Variants in TNIK observed in about 807,000 individuals in gnomAD.
TNIK encodes the protein TRAF2 and NCK-interacting protein kinase.
A neutral mutation model predicts 191.3 loss-of-function variants in TNIK; 49 were observed. The observed-to-expected ratio is 0.26, with a 90% CI of 0.20 to 0.32. The LOEUF is 0.32. Ranked by LOEUF, TNIK falls within the 10% of genes least tolerant of loss-of-function variation. TNIK has a pLI of 1.00. For missense variants in TNIK, 1,155 were observed against 1,702.3 expected (o/e 0.68, Z 5.66); for synonymous variants, 594 against 600.9 (o/e 0.99, Z 0.17).
chr3:171,424,985 A>AT (rs1169661347), intron 1 of TNIK, among the ~76,000 whole-genome samples: 3 of 137,814 alleles, frequency 2.2e-5, no homozygotes, highest in East Asian at 3.9e-4. Flanking sequence ...AAGCATAATA[A>AT]AAAAAAAAAA....
At chr3:171,369,752 A>C (rs1716240032) in intron 1 of TNIK, 67 bp from the exon 2 acceptor site, 2 of 1,296,228 alleles carry the variant, frequency 1.5e-6, no homozygotes, top group Admixed American at 4.2e-5. Context: ...AATCAAAAGC[A>C]AATACTTATT....
intron 1 of TNIK, among the ~76,000 whole-genome samples, chr3:171,441,375 T>TG (rs1726779446): frequency 2.0e-5 from 3 of 152,240 alleles, no homozygotes; most frequent in Non-Finnish European, 4.4e-5. Flanking sequence ...ATTTGCATTT[T>TG]CTAGACATTT....
chr3:171,386,475 T>A (rs1281165345), intron 1 of TNIK, among the ~76,000 whole-genome samples: 1 of 152,252 alleles, frequency 6.6e-6, no homozygotes, highest in Non-Finnish European at 1.5e-5. Flanking sequence ...TGGAGGTTTC[T>A]CAGTCAGTCC....
intron 9 of TNIK, among the ~76,000 whole-genome samples, chr3:171,169,469 T>C (rs1482937507): frequency 1.3e-5 from 2 of 152,170 alleles, no homozygotes; most frequent in Admixed American, 1.3e-4. Context: ...GGTTTTGCCA[T>C]GTTGACCAGG....
intron 1 of TNIK, among the ~76,000 whole-genome samples, chr3:171,413,829 G>A (rs1264258734): frequency 6.6e-6 from 1 of 152,182 alleles, no homozygotes; most frequent in Non-Finnish European, 1.5e-5. Flanking sequence ...CTAGCTGTAT[G>A]ACCTGGAGGA....
At chr3:171,133,913 T>C (rs1399590328) in intron 15 of TNIK, among the ~76,000 whole-genome samples, 2 of 152,158 alleles carry the variant, frequency 1.3e-5, no homozygotes, top group Non-Finnish European at 2.9e-5. Context: ...ACTCCAGGAC[T>C]GGCATATATC....
At chr3:171,141,439 A>G (rs1212265916) in intron 12 of TNIK, among the ~76,000 whole-genome samples, 2 of 152,236 alleles carry the variant, frequency 1.3e-5, no homozygotes, top group African/African-American at 4.8e-5. Context: ...ATCACAAAGT[A>G]TCTGGCTCTT....
intron 23 of TNIK, among the ~76,000 whole-genome samples, chr3:171,089,268 A>G (rs573238221): frequency 6.6e-6 from 1 of 152,206 alleles, no homozygotes; most frequent in Non-Finnish European, 1.5e-5. Context: ...ATTAGTGCCT[A>G]TTCTCAGAGT....
chr3:171,201,743 C>A (rs1183885345), intron 4 of TNIK, among the ~76,000 whole-genome samples: 2 of 152,190 alleles, frequency 1.3e-5, no homozygotes, highest in African/African-American at 2.4e-5. Context: ...TTGGGGATTT[C>A]AAACCTTAAA....
At chr3:171,253,594 C>T (rs1404694135) in intron 2 of TNIK, among the ~76,000 whole-genome samples, 2 of 136,068 alleles carry the variant, frequency 1.5e-5, no homozygotes, top group Non-Finnish European at 3.2e-5. Flanking sequence ...ACAGGTCCCC[C>T]CCCCACCCCA....
chr3:171,346,188 T>C (rs1712152694), intron 2 of TNIK, among the ~76,000 whole-genome samples: 1 of 152,158 alleles, frequency 6.6e-6, no homozygotes, highest in African/African-American at 2.4e-5. Flanking sequence ...AGTCAGACTC[T>C]GCTTGGCGTG....
At chr3:171,304,591 C>T (rs1188776666) in intron 2 of TNIK, among the ~76,000 whole-genome samples, 1 of 152,132 alleles carries the variant, frequency 6.6e-6, no homozygotes, top group Non-Finnish European at 1.5e-5. Context: ...TTCACAATAG[C>T]AAAGACTTGG....
At chr3:171,071,681 T>C (rs16855766) in intron 28 of TNIK, among the ~76,000 whole-genome samples, 15,310 of 152,154 alleles carry the variant, frequency 0.1, 846 homozygotes, top group Middle Eastern at 0.16. Context: ...CGTTCACCCA[T>C]ATTTAAGTAG....
chr3:171,104,929 A>T (rs1724480403), intron 21 of TNIK, among the ~76,000 whole-genome samples: 1 of 150,076 alleles, frequency 6.7e-6, no homozygotes, highest in African/African-American at 2.5e-5. Context: ...TTACGTGTAT[A>T]ATCTTTGTGT....
At chr3:171,118,665 C>T (rs949566944) in intron 18 of TNIK, among the ~76,000 whole-genome samples, 2 of 152,108 alleles carry the variant, frequency 1.3e-5, no homozygotes, top group Non-Finnish European at 2.9e-5. Context: ...CTTTGATAAA[C>T]CTGACAAAAA....
intron 2 of TNIK, among the ~76,000 whole-genome samples, chr3:171,257,022 G>A (rs1475728677): frequency 6.6e-6 from 1 of 152,118 alleles, no homozygotes; most frequent in Non-Finnish European, 1.5e-5. Context: ...ATTAAGAACT[G>A]TTTACTCTGG....
chr3:171,113,850 T>C (rs1230327657), intron 18 of TNIK, among the ~76,000 whole-genome samples: 1 of 151,860 alleles, frequency 6.6e-6, no homozygotes, highest in African/African-American at 2.4e-5. Flanking sequence ...CATTTCAACA[T>C]GCTTTGCCTG....
intron 18 of TNIK, among the ~76,000 whole-genome samples, chr3:171,122,054 T>C (rs911575319): frequency 2.6e-5 from 4 of 152,240 alleles, no homozygotes; most frequent in African/African-American, 9.6e-5. Context: ...CATTATTTTG[T>C]AAACCACTGA....
At position 171,159,834 on chromosome 3, in the gene TNIK, T is replaced by C. The variant is rs192575807; in HGVS notation, c.1016+1436A>G. Among the ~76,000 whole-genome samples the C allele has an allele frequency of 4.7e-4, 72 of 152,328 alleles. No individual in the cohort carries two copies. Among genetic ancestry groups the C allele is most frequent in the Non-Finnish European group, 8.2e-4 (56 of 68,030 alleles). ...AAAAACAGGACTTGGACTTAAAGTATAATAACAACAACAACAGGACTTGGA... is the reference window on the plus strand; with the variant it reads ...AAAAACAGGACTTGGACTTAAAGTACAATAACAACAACAACAGGACTTGGA... On this transcript the variant is annotated intron_variant, in intron 11 of 32. Transcript: ENST00000436636. This position sits in a 1 kb window ranked among gnomAD's most constrained non-coding sequence, Gnocchi z 4.1.
Sources: gnomAD v4.1 joint callset for allele counts (sites outside exome capture counted in the v4.1 genomes callset) on GRCh38, gnomAD v4.1.1 for gene constraint, Gnocchi (gnomAD v3.1) non-coding constraint, MANE v1.5 for transcripts, NCBI Gene and HGNC (gene_info 2026-07-23, HGNC 2026-07-21) for gene names.